Variants in FOCAD observed in about 807,000 individuals in gnomAD.
FOCAD encodes the protein KIAA1797.
In FOCAD, 198 loss-of-function variants were observed where a neutral mutation model predicts 225.6. The observed-to-expected ratio is 0.88, with a 90% confidence interval of 0.78 to 0.99. The LOEUF (loss-of-function observed/expected upper bound fraction) is 0.99, where lower values mean the gene tolerates loss of function less well. Among genes scored for constraint, FOCAD ranks in the 50% least tolerant of loss-of-function variants. FOCAD has a pLI of 0.00. For missense variants in FOCAD, 2,713 were observed against 2,123.6 expected (o/e 1.28, Z -5.46); for synonymous variants, 897 against 755.0 (o/e 1.19, Z -3.08).
chr9:20,965,745 T>A (rs1016565764), intron 35 of FOCAD, among the ~76,000 whole-genome samples: 3 of 152,218 alleles, frequency 2.0e-5, no homozygotes, highest in African/African-American at 7.2e-5. Flanking sequence ...CTTTATGTAT[T>A]TTCCTTTCCT....
rs1331417524 is a variant in FOCAD at position 20,786,557 on chromosome 9, A to G, written c.1198-2794A>G. 2.0e-5 allele frequency among the ~76,000 whole-genome samples: 3 copies of G among 152,176 alleles called. No homozygotes were observed. In the East Asian group the frequency reaches 5.8e-4, roughly 29 times the overall value. On this transcript the variant is annotated intron_variant, in intron 10 of 43. Coordinates refer to ENST00000338382, the MANE Select transcript of FOCAD (RefSeq NM_001375567.1). ...AAATCTATCTTACTTTTAAAGGTCT[A>G]TATGTTTGAGTTCCTATATCCACTC...
Position 20,926,315 on chromosome 9 carries a change from C to T in FOCAD, c.2976C>T (p.Phe992=), listed in dbSNP as rs777558706. The T allele has an allele frequency of 1.4e-5, 22 of 1,606,856 alleles. No individual in the cohort carries two copies. The South Asian group carries it at 2.1e-4, about 15-fold the overall frequency. ...TTCATCTGCAGGTTCAACCTAATTT[C>T]CTTTCAATGAAAGAGTGGGTTTCCA... The part of the protein sequence containing the change: ...SDGLLEVQPN[F]LSMKEWVSMV... Residue 992 remains phenylalanine (F), a synonymous_variant, in exon 26 of 44, where the codon TTC becomes TTT. Coordinates refer to ENST00000338382, the MANE Select transcript of FOCAD (RefSeq NM_001375567.1).
intron 15 of FOCAD, among the ~76,000 whole-genome samples, chr9:20,830,343 A>G (rs1825360220): frequency 6.6e-6 from 1 of 152,106 alleles, no homozygotes; most frequent in Non-Finnish European, 1.5e-5. Flanking sequence ...TACTGATTGC[A>G]TATTACACTT....
In FOCAD at chr9:20,717,794, G is replaced by C; in HGVS notation, c.58G>C (p.Ala20Pro). Residue 20 changes from alanine (A) to proline (P), a missense_variant and splice_region_variant, in exon 3 of 44, where the codon GCT becomes CCT. Physicochemically the swap from Ala to Pro is conservative, Grantham distance 27. Coordinates refer to ENST00000338382, the MANE Select transcript of FOCAD (RefSeq NM_001375567.1). ...TTCATTAATTTTATTTCTTTTTAAG[G>C]CTGTGGGTCATCTTATTGCTGCAGT... ...EFPNSLIQSQ[A>P]VGHLIAAVLK... 1.2e-6 allele frequency: 2 copies of C among 1,610,302 alleles called. No homozygotes were observed. Among genetic ancestry groups the C allele is most frequent in the Admixed American group, 3.3e-5 (2 of 59,944 alleles).
chr9:20,979,969 T>C (rs1265373034), intron 37 of FOCAD, among the ~76,000 whole-genome samples: 2 of 152,206 alleles, frequency 1.3e-5, no homozygotes, highest in Admixed American at 1.3e-4. Flanking sequence ...TTACAGGTTT[T>C]TCAATCATCA....
At chr9:20,798,791 A>G (rs1372049210) in intron 11 of FOCAD, among the ~76,000 whole-genome samples, 2 of 152,098 alleles carry the variant, frequency 1.3e-5, no homozygotes, top group Non-Finnish European at 2.9e-5. Context: ...ATCTTTTCAA[A>G]AAATCTGCTC....
chr9:20,793,593 T>G (rs751852296), intron 11 of FOCAD, among the ~76,000 whole-genome samples: 4 of 152,134 alleles, frequency 2.6e-5, no homozygotes, highest in Non-Finnish European at 5.9e-5. Flanking sequence ...ACAAAATCCG[T>G]TTGTCTGGGT....
chr9:20,934,598 T>C (rs1835783133), intron 28 of FOCAD, among the ~76,000 whole-genome samples: 1 of 152,312 alleles, frequency 6.6e-6, no homozygotes, highest in East Asian at 1.9e-4. Context: ...CGTTGTTCTA[T>C]GTGCCTAGTT....
intron 2 of FOCAD, among the ~76,000 whole-genome samples, chr9:20,676,581 A>C (rs1025083860): frequency 6.6e-6 from 1 of 152,242 alleles, no homozygotes; most frequent in Non-Finnish European, 1.5e-5. Flanking sequence ...TGCTTAATAT[A>C]GTTCCTGTGC....
intron 10 of FOCAD, among the ~76,000 whole-genome samples, chr9:20,789,015 G>A (rs1253488179): frequency 6.6e-6 from 1 of 151,900 alleles, no homozygotes; most frequent in Admixed American, 6.6e-5. Flanking sequence ...CTTCTCATTG[G>A]TGAATACTTT....
intron 3 of FOCAD, among the ~76,000 whole-genome samples, chr9:20,720,176 G>C (rs547532514): frequency 1.3e-5 from 2 of 152,302 alleles, no homozygotes; most frequent in African/African-American, 4.8e-5. Context: ...AGGTGAGAGA[G>C]AGTTGCTGTA....
intron 27 of FOCAD, among the ~76,000 whole-genome samples, chr9:20,931,687 C>G (rs924002769): frequency 2.0e-5 from 3 of 152,080 alleles, no homozygotes; most frequent in Non-Finnish European, 4.4e-5. Context: ...TGAATCACAT[C>G]TGTAATTGCA....
At chr9:20,739,288 G>A (rs1586980921) in intron 4 of FOCAD, among the ~76,000 whole-genome samples, 1 of 152,296 alleles carries the variant, frequency 6.6e-6, no homozygotes, top group East Asian at 1.9e-4. Flanking sequence ...CTCAATAAAT[G>A]TTAACAAGCA....
At chr9:20,806,037 T>C (rs1256632348) in intron 11 of FOCAD, among the ~76,000 whole-genome samples, 1 of 152,160 alleles carries the variant, frequency 6.6e-6, no homozygotes, top group Non-Finnish European at 1.5e-5. Flanking sequence ...TTTGAAACTG[T>C]TCAAAAGCCA....
intron 11 of FOCAD, among the ~76,000 whole-genome samples, chr9:20,802,118 A>G (rs2131293253): frequency 6.6e-6 from 1 of 152,268 alleles, no homozygotes; most frequent in South Asian, 2.1e-4. Flanking sequence ...CAGGTAGTTA[A>G]GAAGTGATTT....
At chr9:20,964,793 C>A (rs1839109019) in intron 35 of FOCAD, among the ~76,000 whole-genome samples, 1 of 152,152 alleles carries the variant, frequency 6.6e-6, no homozygotes, top group African/African-American at 2.4e-5. Context: ...CTCGGCCTCC[C>A]AAAGTGCTGG....
At chr9:20,766,833 T>C (rs1369836020) in intron 7 of FOCAD, among the ~76,000 whole-genome samples, 1 of 152,174 alleles carries the variant, frequency 6.6e-6, no homozygotes, top group Non-Finnish European at 1.5e-5. Flanking sequence ...TGGTCTTTTT[T>C]TTTTATTATA....
chr9:20,884,375 T>G (rs1343228211), intron 20 of FOCAD, among the ~76,000 whole-genome samples: 1 of 152,162 alleles, frequency 6.6e-6, no homozygotes, highest in Non-Finnish European at 1.5e-5. Flanking sequence ...CTCAGTTCAC[T>G]GCAACCTCCA....
Position 20,990,356 on chromosome 9 carries a change from G to C in FOCAD, c.5238G>C (p.Trp1746Cys). The C allele has an allele frequency of 6.2e-7, 1 of 1,613,742 alleles. No individual in the cohort carries two copies. The highest frequency in any genetic ancestry group is 8.5e-7 in the Non-Finnish European group (1 of 1,179,966). Residue 1746 changes from tryptophan (W) to cysteine (C), a missense_variant, in exon 42 of 44, where the codon TGG becomes TGC. Physicochemically the swap from Trp to Cys is radical, Grantham distance 215. Coordinates refer to ENST00000338382, the MANE Select transcript of FOCAD (RefSeq NM_001375567.1). ...SMALLLQKEPWKEQTQKFIDW... is the reference protein window; with the variant it reads ...SMALLLQKEPCKEQTQKFIDW... ...CTCTGCTGCTGCAGAAAGAGCCATG[G>C]AAGGAACAGACCCAGAAGGTGAGGC...
Sources: gnomAD v4.1 joint callset for allele counts (sites outside exome capture counted in the v4.1 genomes callset) on GRCh38, gnomAD v4.1.1 for gene constraint, MANE v1.5 for transcripts, NCBI Gene and HGNC (gene_info 2026-07-23, HGNC 2026-07-21) for gene names.